HSPG2: variants seen among roughly 807,000 people sequenced by gnomAD.
The protein encoded by HSPG2 is basement membrane-specific heparan sulfate proteoglycan core protein.
A neutral mutation model predicts 526.6 loss-of-function variants in HSPG2; 278 were observed. The observed-to-expected ratio is 0.53, with a 90% CI of 0.48 to 0.58. HSPG2 has a LOEUF of 0.58. HSPG2 is among the 20% of genes least tolerant of loss of function. The pLI is 0.00. For missense variants in HSPG2, 5,354 were observed against 6,099.5 expected (o/e 0.88, Z 4.07); for synonymous variants, 2,465 against 2,555.4 (o/e 0.96, Z 1.07).
rs199922248 is a variant in HSPG2, at chr1:21,865,720, G to T, written c.4311C>A (p.Ile1437=). 6 of 1,612,710 alleles carry T rather than the reference G, an allele frequency of 3.7e-6. No individual in the cohort carries two copies. Among genetic ancestry groups the T allele is most frequent in the Non-Finnish European group, 4.2e-6 (5 of 1,178,958 alleles). ...AGCATGGTGTCCAAATGCTCACCGT[G>T]ATCTGCACATCGGGGTCAGAGAGTG... ...GSPLSDPDVQ[I]TGNNIMLVAS... Residue 1437 remains isoleucine (I), a synonymous_variant, in exon 34 of 97, where the codon ATC becomes ATA. Coordinates refer to ENST00000374695, the MANE Select transcript of HSPG2 (RefSeq NM_005529.7). This position sits in a 1 kb window ranked among gnomAD's most constrained non-coding sequence, Gnocchi z 5.4.
In HSPG2 at chr1:21,884,421, C is replaced by A. The variant is rs1000667394; in HGVS notation, c.1654+107G>T. 11 of 1,450,456 alleles carry A rather than the reference C, an allele frequency of 7.6e-6. No individual in the cohort carries two copies. In the African/African-American group the frequency reaches 1.4e-4, roughly 18 times the overall value. The allele number at this position is 1,450,456 out of a possible 1,614,324, so 89.8% of individuals were successfully genotyped here. On this transcript the variant is annotated intron_variant, in intron 13 of 96. Transcript: ENST00000374695. ...CAGTGTTTCTTCAGCGACTCACATT[C>A]CTTCCCGAAACCTGGCCCCCTCTGT...
Position 21,864,781 on chromosome 1 carries a change from CTGATT to C in HSPG2, c.4626+57_4626+61del. ...GTAATCAAGGCTGCGGCGACGCCGG[CTGATT>C]TGCTTGCTGATGCCTCTGTGCCTGT... is the stretch of plus-strand genomic sequence containing the variant. On this transcript the variant is annotated intron_variant, in intron 36 of 96. Transcript: ENST00000374695. The surrounding 1 kb of genome is among the most constrained non-coding windows in gnomAD (Gnocchi z 4.8). The C allele has an allele frequency of 7.1e-7, 1 of 1,407,468 alleles. No individual in the cohort carries two copies. Among genetic ancestry groups the C allele is most frequent in the South Asian group, 1.2e-5 (1 of 82,490 alleles). 87.2% of individuals were successfully genotyped at this position (1,407,468 alleles called of 1,614,324 possible). A position where few individuals can be genotyped will look rare whatever the true frequency, so the allele number is the denominator to read the frequency against.
chr1:21,888,760 C>G, intron 6 of HSPG2: 1 of 1,338,088 alleles, frequency 7.5e-7, no homozygotes, highest in Non-Finnish European at 1.0e-6. Flanking sequence ...CACCTGGGAG[C>G]CGGGAGCTGA....
chr1:21,865,190 G>T lies in HSPG2; in HGVS notation c.4395+95C>A. On this transcript the variant is annotated intron_variant, in intron 35 of 96. Coordinates refer to ENST00000374695, the MANE Select transcript of HSPG2 (RefSeq NM_005529.7). This position sits in a 1 kb window ranked among gnomAD's most constrained non-coding sequence, Gnocchi z 5.4. ...GACTGAGGGCTGCCAGGTGAAGGTT[G>T]GGGAGCGAGAGACAGGGTGGGTATC... The T allele has an allele frequency of 6.6e-7, 1 of 1,518,910 alleles. No individual in the cohort carries two copies. Among genetic ancestry groups the T allele is most frequent in the Non-Finnish European group, 9.1e-7 (1 of 1,093,638 alleles). 94.1% of individuals were successfully genotyped at this position (1,518,910 alleles called of 1,614,324 possible). A position where few individuals can be genotyped will look rare whatever the true frequency, so the allele number is the denominator to read the frequency against.
chr1:21,868,857 C>T (rs1046991296), intron 33 of HSPG2: 1 of 808,214 alleles, frequency 1.2e-6, no homozygotes, highest in Non-Finnish European at 1.5e-6. Flanking sequence ...TCTATGACAC[C>T]CCTATAATCC....
At chr1:21,873,533 A>T in intron 29 of HSPG2, 109 bp from the exon 30 acceptor site, 1 of 1,101,222 alleles carries the variant, frequency 9.1e-7, no homozygotes, top group African/African-American at 1.5e-5. Flanking sequence ...CTGGAAGAAA[A>T]GAAGAGCCTG....
In HSPG2 at chr1:21,904,508, A is replaced by T. The variant is rs1167917151; in HGVS notation, c.64-8198T>A. ...GCTGCTGACCCGGTGCTAGTCACAG[A>T]GGCCAAGTCTCCCCTGTACCCCCAG... On this transcript the variant is annotated intron_variant, in intron 1 of 96. Coordinates refer to ENST00000374695, the MANE Select transcript of HSPG2 (RefSeq NM_005529.7). The surrounding 1 kb of genome is among the most constrained non-coding windows in gnomAD (Gnocchi z 4.4). Among the ~76,000 whole-genome samples the T allele has an allele frequency of 2.0e-5, 3 of 152,098 alleles. No individual in the cohort carries two copies. Among genetic ancestry groups the T allele is most frequent in the Non-Finnish European group, 4.4e-5 (3 of 68,002 alleles).
chr1:21,930,699 G>T (rs1209040441), intron 1 of HSPG2, among the ~76,000 whole-genome samples: 1 of 151,888 alleles, frequency 6.6e-6, no homozygotes, highest in African/African-American at 2.4e-5. Flanking sequence ...TCTTGAACCT[G>T]GGGGGCAGAG....
In HSPG2 at chr1:21,861,835, C is replaced by G; in HGVS notation, c.4877G>C (p.Arg1626Pro). The G allele has an allele frequency of 6.2e-7, 1 of 1,613,530 alleles. No homozygotes were observed. The highest frequency in any genetic ancestry group is 8.5e-7 in the Non-Finnish European group (1 of 1,179,990). The change falls in exon 39 of 97, where the codon CGC becomes CCC. Residue 1626 changes from arginine to proline, a missense_variant. Transcript: ENST00000374695. The part of the protein sequence containing the change: ...PLTNPENMFS[R>P]TCESLGAGGY... Reference sequence around the variant, plus strand: ...GCCGGCTCCCAGGCTCTCACAGGTGCGGGAAAACCTGGGATCGGGGAGGCA... The same window carrying G: ...GCCGGCTCCCAGGCTCTCACAGGTGGGGGAAAACCTGGGATCGGGGAGGCA...
Position 21,839,584 on chromosome 1 carries a change from T to G in HSPG2, c.9710-34A>C. 1 of 1,610,884 alleles carries G rather than the reference T, an allele frequency of 6.2e-7. No individual in the cohort carries two copies. The highest frequency in any genetic ancestry group is 2.2e-5 in the East Asian group (1 of 44,808). ...TCGAGTGGAAGATGACAGAAGTCAC[T>G]GGGCTACCTCAGGGACCCGCAGAGG... On this transcript the variant is annotated intron_variant, in intron 72 of 96. Coordinates refer to ENST00000374695, the MANE Select transcript of HSPG2 (RefSeq NM_005529.7). This position sits in a 1 kb window ranked among gnomAD's most constrained non-coding sequence, Gnocchi z 4.5.
intron 1 of HSPG2, among the ~76,000 whole-genome samples, chr1:21,910,335 G>C (rs1252912827): frequency 6.6e-6 from 1 of 152,152 alleles, no homozygotes; most frequent in Non-Finnish European, 1.5e-5. Flanking sequence ...CACCTCCCCT[G>C]CCAGGCCCTG....
In HSPG2 at chr1:21,855,665, G is replaced by A. The variant is rs754407360; in HGVS notation, c.5712C>T (p.Gly1904=). Residue 1904 remains glycine, a synonymous_variant, in exon 46 of 97, where the codon GGC becomes GGT. Transcript: ENST00000374695. ...TTTGTGCCTTCGCAGGGAGCTGGCC[G>A]CCGGGGCCCCCTGACGAGTAGACGT... The part of the protein sequence containing the change: ...TPTLEWTGGP[G]GQLPAKAQIH... The A allele has an allele frequency of 6.3e-6, 10 of 1,574,988 alleles. No homozygotes were observed. The East Asian group carries it at 9.3e-5, about 15-fold the overall frequency.
Position 21,827,851 on chromosome 1 carries a change from G to GC in HSPG2, c.12589+11dup. On this transcript the variant is annotated intron_variant, in intron 91 of 96. Transcript: ENST00000374695. ...AGCTGAAGCTGGGGAGGAGGCCATG[G>GC]CAAGTACTCACCATTGCCCCCGCTG... The GC allele has an allele frequency of 6.3e-7, 1 of 1,575,378 alleles. No individual in the cohort carries two copies. Among genetic ancestry groups the GC allele is most frequent in the Non-Finnish European group, 8.6e-7 (1 of 1,160,206 alleles).
In HSPG2 at chr1:21,860,294, T is replaced by C. The variant is rs373707500; in HGVS notation, c.4956-59A>G. On this transcript the variant is annotated intron_variant, in intron 39 of 96. Coordinates refer to ENST00000374695, the MANE Select transcript of HSPG2 (RefSeq NM_005529.7). ...CCTCAAGGGCCCCAGTGCCTCATGG[T>C]GGACTTGGGGAGCCAGAAGCTCAGC... 665 of 1,512,866 alleles carry C rather than the reference T, an allele frequency of 4.4e-4. 6 individuals are homozygous for C. The highest frequency in any genetic ancestry group is 9.4e-5 in the Non-Finnish European group (104 of 1,104,230). The allele number at this position is 1,512,866 out of a possible 1,614,324, so 93.7% of individuals were successfully genotyped here. A position where few individuals can be genotyped will look rare whatever the true frequency, so the allele number is the denominator to read the frequency against.
At chr1:21,888,235 C>A (rs376111913) in intron 6 of HSPG2, among the ~76,000 whole-genome samples, 169 bp from the exon 7 acceptor site, 1 of 152,226 alleles carries the variant, frequency 6.6e-6, no homozygotes, top group African/African-American at 2.4e-5. Context: ...CCACAGCACA[C>A]GTGGGGCATG....
At chr1:21,837,101 A>T in intron 74 of HSPG2, 95 bp from the exon 75 acceptor site, 1 of 1,128,490 alleles carries the variant, frequency 8.9e-7, no homozygotes, top group Non-Finnish European at 1.3e-6. Flanking sequence ...CCAACATTCA[A>T]GGAATGTTCT....
Position 21,872,052 on chromosome 1 carries a change from TATGGGACTGCAAAAGCC to T in HSPG2, c.4221+117_4221+133del. On this transcript the variant is annotated intron_variant, in intron 33 of 96. Transcript: ENST00000374695. The surrounding 1 kb of genome is among the most constrained non-coding windows in gnomAD (Gnocchi z 5.5). The stretch of plus-strand genomic sequence containing the variant: ...CAGAGCTGGGGTTCAGACCAATGTC[TATGGGACTGCAAAAGCC>T]ACGTGCCTAACCACGATATGGCCAT... The T allele has an allele frequency of 1.1e-6, 1 of 880,946 alleles. No individual in the cohort carries two copies. The highest frequency in any genetic ancestry group is 1.8e-6 in the Non-Finnish European group (1 of 545,790). The allele number at this position is 880,946 out of a possible 1,614,324, so 54.6% of individuals were successfully genotyped here. A position where few individuals can be genotyped will look rare whatever the true frequency, so the allele number is the denominator to read the frequency against.
At chr1:21,874,377 G>C in intron 28 of HSPG2, 29 bp downstream of exon 28, 5 of 1,610,606 alleles carry the variant, frequency 3.1e-6, no homozygotes, top group Non-Finnish European at 3.4e-6. Flanking sequence ...TTTCAGGGAA[G>C]GGCAGGTGCA....
chr1:21,882,400 TACACACACACACACACACAC>T (rs56357321), intron 13 of HSPG2, among the ~76,000 whole-genome samples: 58 of 142,692 alleles, frequency 4.1e-4, no homozygotes, highest in Admixed American at 3.7e-3. Flanking sequence ...CTCTTCTATG[TACACACACACACACACACAC>T]ACACACACAC....
Sources: gnomAD v4.1 joint callset for allele counts (sites outside exome capture counted in the v4.1 genomes callset) on GRCh38, gnomAD v4.1.1 for gene constraint, Gnocchi (gnomAD v3.1) non-coding constraint, MANE v1.5 for transcripts, NCBI Gene and HGNC (gene_info 2026-07-23, HGNC 2026-07-21) for gene names.